USP33: variants seen among roughly 807,000 people sequenced by gnomAD.
The protein encoded by USP33 is ubiquitin carboxyl-terminal hydrolase 33.
In USP33, 46 loss-of-function variants were observed where a neutral mutation model predicts 124.2. The ratio of observed to expected loss-of-function variants is 0.37; its 90% CI spans 0.29 to 0.47. The LOEUF is 0.47. Ranked by LOEUF, USP33 falls within the 20% of genes least tolerant of loss-of-function variation. The probability of loss-of-function intolerance (pLI) is 0.99; values close to 1 mark genes in which losing one functional copy is unlikely to be tolerated. For missense variants in USP33, 851 were observed against 1,070.6 expected (o/e 0.79, Z 2.86); for synonymous variants, 350 against 352.3 (o/e 0.99, Z 0.07).
chr1:77,730,259 T>C (rs1472868404), intron 8 of USP33, among the ~76,000 whole-genome samples: 1 of 152,332 alleles, frequency 6.6e-6, no homozygotes, highest in Middle Eastern at 3.4e-3. Flanking sequence ...TGCTAAACTT[T>C]AGAACAAATA....
intron 1 of USP33, chr1:77,745,674 A>T (rs887803672): frequency 6.6e-6 from 1 of 152,214 alleles, no homozygotes; most frequent in African/African-American, 2.4e-5. Flanking sequence ...AAATTATAAC[A>T]AACTGTCTCT....
chr1:77,704,555 T>C (rs1674403077), intron 21 of USP33, among the ~76,000 whole-genome samples: 1 of 152,176 alleles, frequency 6.6e-6, no homozygotes, highest in East Asian at 1.9e-4. Context: ...TTCTGGAAAA[T>C]TTATCTAAAT....
intron 1 of USP33, among the ~76,000 whole-genome samples, chr1:77,742,812 T>A (rs562284214): frequency 2.4e-4 from 36 of 152,316 alleles, no homozygotes; most frequent in African/African-American, 8.4e-4. Context: ...CTTTGTGGTT[T>A]ATAAGTTATT....
intron 21 of USP33, among the ~76,000 whole-genome samples, chr1:77,709,027 G>A (rs1674942936): frequency 6.6e-6 from 1 of 152,068 alleles, no homozygotes; most frequent in Non-Finnish European, 1.5e-5. Flanking sequence ...TCTTCATCGA[G>A]ATGGTGTCAG....
intron 7 of USP33, among the ~76,000 whole-genome samples, chr1:77,733,258 G>A (rs576947051): frequency 1.3e-4 from 20 of 152,190 alleles, no homozygotes; most frequent in Non-Finnish European, 2.9e-4. Context: ...GTCAGGTTTG[G>A]TGGCATGTGC....
At chr1:77,718,176 G>C (rs11162378) in intron 16 of USP33, 129 bp from the exon 17 acceptor site, 4 of 798,982 alleles carry the variant, frequency 5.0e-6, no homozygotes, top group Non-Finnish European at 7.6e-6. Context: ...TTACAATTAT[G>C]AAGTTATTTA....
At chr1:77,737,135 G>C (rs1678563799) in intron 5 of USP33, among the ~76,000 whole-genome samples, 1 of 151,940 alleles carries the variant, frequency 6.6e-6, no homozygotes, top group Non-Finnish European at 1.5e-5. Context: ...TGTAATATCA[G>C]AAGATTGAAC....
Position 77,759,783 on chromosome 1 carries a change from CT to C in USP33, c.-193del, listed in dbSNP as rs1424563347. ...AGGGCCGGAAAACGGCCCCGCAGCGCTGCCCTCGGGGGGTCCGCCTCCTGAA... is the reference window on the plus strand; with the variant it reads ...AGGGCCGGAAAACGGCCCCGCAGCGCGCCCTCGGGGGGTCCGCCTCCTGAA... On this transcript the variant is annotated 5_prime_UTR_variant, in exon 1 of 24. Coordinates refer to ENST00000370794, the MANE Select transcript of USP33 (RefSeq NM_201624.3). The C allele has an allele frequency of 7.5e-6, 3 of 397,770 alleles. No homozygotes were observed. In the Admixed American group the frequency reaches 1.3e-4, roughly 18 times the overall value. The allele number at this position is 397,770 out of a possible 1,614,324, so 24.6% of individuals were successfully genotyped here. A position where few individuals can be genotyped will look rare whatever the true frequency, so the allele number is the denominator to read the frequency against.
At chr1:77,715,350 G>A (rs1363828446) in intron 18 of USP33, among the ~76,000 whole-genome samples, 2 of 152,064 alleles carry the variant, frequency 1.3e-5, no homozygotes, top group African/African-American at 2.4e-5. Flanking sequence ...GGGATTACAG[G>A]CACCTGCCAC....
At chr1:77,757,512 T>A (rs989694135) in intron 1 of USP33, among the ~76,000 whole-genome samples, 2 of 152,238 alleles carry the variant, frequency 1.3e-5, no homozygotes, top group African/African-American at 4.8e-5. Context: ...TTCCCACTTA[T>A]CAAAATGTTC....
chr1:77,726,194 C>T (rs1489894654), intron 10 of USP33, among the ~76,000 whole-genome samples: 1 of 152,188 alleles, frequency 6.6e-6, no homozygotes, highest in African/African-American at 2.4e-5. Flanking sequence ...AAGTGATCCA[C>T]CCACTTTGGC....
intron 9 of USP33, 38 bp from the exon 10 acceptor site, chr1:77,728,750 C>A: frequency 6.3e-7 from 1 of 1,577,102 alleles, no homozygotes; most frequent in South Asian, 1.2e-5. Flanking sequence ...CACTTCATTA[C>A]ATGTGTATAT....
intron 1 of USP33, among the ~76,000 whole-genome samples, chr1:77,750,624 A>AAAGG (rs1680215884): frequency 8.1e-6 from 1 of 123,290 alleles, no homozygotes; most frequent in Non-Finnish European, 1.6e-5. Flanking sequence ...CCTGACTTAA[A>AAAGG]AAAGAAAGAA....
chr1:77,723,165 A>G (rs1372400471), intron 12 of USP33, among the ~76,000 whole-genome samples, 166 bp downstream of exon 12: 1 of 152,074 alleles, frequency 6.6e-6, no homozygotes, highest in African/African-American at 2.4e-5. Context: ...TACTTCCAAA[A>G]AAAATTCTAC....
At chr1:77,741,054 T>C (rs1679064509) in intron 3 of USP33, 115 bp from the exon 4 acceptor site, 1 of 718,786 alleles carries the variant, frequency 1.4e-6, no homozygotes. Flanking sequence ...TTACATTCAA[T>C]GAGTAAATGA....
At chr1:77,736,225 C>T (rs1251876989) in intron 5 of USP33, 67 bp from the exon 6 acceptor site, 8 of 1,031,134 alleles carry the variant, frequency 7.8e-6, no homozygotes, top group Non-Finnish European at 1.1e-5. Context: ...TTAATTGTAA[C>T]TTATATAACA....
intron 23 of USP33, 96 bp downstream of exon 23, chr1:77,697,767 G>A (rs1673560124): frequency 1.6e-6 from 2 of 1,247,760 alleles, no homozygotes; most frequent in Non-Finnish European, 2.2e-6. Context: ...ACATTCTTCA[G>A]TTGAATAAAA....
rs1676790908 is a variant in USP33, at chr1:77,723,319, C to T, written c.1389+12G>A. On this transcript the variant is annotated intron_variant, in intron 12 of 23. Transcript: ENST00000370794. ...ACGAATTTTCTGTGTATTCTAATAC[C>T]CTCATACTCACCCTGTCACAAGTCA... 6.4e-7 allele frequency: 1 copy of T among 1,559,420 alleles called. No homozygotes were observed. Among genetic ancestry groups the T allele is most frequent in the South Asian group, 1.1e-5 (1 of 88,604 alleles).
chr1:77,738,886 G>A (rs1678795190), intron 5 of USP33, among the ~76,000 whole-genome samples: 1 of 152,172 alleles, frequency 6.6e-6, no homozygotes, highest in Non-Finnish European at 1.5e-5. Flanking sequence ...AGGGGATGGA[G>A]GGGAGGAGAG....
Sources: gnomAD v4.1 joint callset for allele counts (sites outside exome capture counted in the v4.1 genomes callset) on GRCh38, gnomAD v4.1.1 for gene constraint, MANE v1.5 for transcripts, NCBI Gene and HGNC (gene_info 2026-07-23, HGNC 2026-07-21) for gene names.